The following PLB1 variants were observed in gnomAD, a reference collection of about 807,000 sequenced individuals.
The protein encoded by PLB1 is phospholipase B1.
PLB1 carries 242 observed loss-of-function variants against 227.4 expected under a neutral mutation model. The ratio of observed to expected loss-of-function variants is 1.06; its 90% CI spans 0.96 to 1.18. PLB1 has a LOEUF of 1.18. Ranked by LOEUF, PLB1 falls within the 50% of genes most tolerant of loss-of-function variation. The pLI is 0.00. For synonymous variants in PLB1, 757 were observed against 682.2 expected, an observed-to-expected ratio of 1.11 and a Z score of -1.71; for missense variants, 1,858 against 1,816.3, an observed-to-expected ratio of 1.02 and a Z score of -0.42.
chr2:28,605,569 C>T (rs548531619), intron 41 of PLB1, among the ~76,000 whole-genome samples: 140 of 152,240 alleles, frequency 9.2e-4, no homozygotes, highest in Admixed American at 1.5e-3. Flanking sequence ...GGCATGGCCT[C>T]GGGCATTACA....
intron 4 of PLB1, among the ~76,000 whole-genome samples, chr2:28,523,023 C>G (rs189037293): frequency 6.6e-6 from 1 of 152,190 alleles, no homozygotes; most frequent in African/African-American, 2.4e-5. Context: ...ATACGCACTT[C>G]TTTGGAACTA....
Position 28,540,408 on chromosome 2 carries a change from G to T in PLB1, c.741G>T (p.Arg247=). The T allele has an allele frequency of 6.2e-7, 1 of 1,614,028 alleles. No individual in the cohort carries two copies. Among genetic ancestry groups the T allele is most frequent in the Non-Finnish European group, 8.5e-7 (1 of 1,179,996 alleles). The change falls in exon 12 of 58, where the codon CGG becomes CGT. Residue 247 remains arginine (R), a synonymous_variant. Coordinates refer to ENST00000327757, the MANE Select transcript of PLB1 (RefSeq NM_153021.5). ...GTAATTGCTCAGAGGAGACCACCCG[G>T]CTGGCCAAGGTGGTGATGCAGTGGT... ...EPCNCSEETT[R]LAKVVMQWSY...
intron 27 of PLB1, 22 bp downstream of exon 27, chr2:28,589,576 G>C (rs749833255): frequency 1.2e-6 from 2 of 1,612,696 alleles, no homozygotes; most frequent in East Asian, 2.2e-5. Context: ...AAGCATCGTA[G>C]AAAAATAGAA....
chr2:28,595,057 C>T (rs771408400), intron 33 of PLB1: 1 of 152,150 alleles, frequency 6.6e-6, no homozygotes, highest in African/African-American at 2.4e-5. Context: ...GTGGGGCAGC[C>T]TGGGGAAGTG....
chr2:28,634,789 T>C (rs1382926426), intron 56 of PLB1, among the ~76,000 whole-genome samples: 2 of 152,002 alleles, frequency 1.3e-5, no homozygotes, highest in African/African-American at 4.8e-5. Context: ...TGCATGCCTG[T>C]AGTCCCAGCT....
chr2:28,526,686 G>A (rs748664329), intron 6 of PLB1, among the ~76,000 whole-genome samples: 5 of 152,162 alleles, frequency 3.3e-5, no homozygotes, highest in Non-Finnish European at 7.3e-5. Context: ...TTCGCCGTCC[G>A]TATTAGAGCA....
At position 28,643,000 on chromosome 2, in the gene PLB1, G is replaced by A; in HGVS notation, c.4316G>A (p.Arg1439Lys). 6.2e-7 allele frequency: 1 copy of A among 1,611,386 alleles called. No individual in the cohort carries two copies. Among genetic ancestry groups the A allele is most frequent in the Non-Finnish European group, 8.5e-7 (1 of 1,179,014 alleles). Reference protein sequence around the residue: ...VVGIIGTVVWRCRRGGRREDP... With the variant: ...VVGIIGTVVWKCRRGGRREDP... Reference sequence around the variant, plus strand: ...GGCATCATCGGGACAGTGGTCTGGAGGTGCAGGAGAGGTGGCCGGAGGGAA... The same window carrying A: ...GGCATCATCGGGACAGTGGTCTGGAAGTGCAGGAGAGGTGGCCGGAGGGAA... The change falls in exon 58 of 58, where the codon AGG becomes AAG. Residue 1439 changes from arginine (R) to lysine (K), a missense_variant. Arg to Lys is a conservative substitution (Grantham distance 26, BLOSUM62 2). Transcript: ENST00000327757.
chr2:28,592,367 C>T (rs1179748368), intron 31 of PLB1, among the ~76,000 whole-genome samples: 1 of 152,054 alleles, frequency 6.6e-6, no homozygotes, highest in African/African-American at 2.4e-5. Flanking sequence ...GCCCTCCCTC[C>T]CACCTTTCCC....
chr2:28,582,575 A>C (rs1484118037), intron 25 of PLB1, 70 bp downstream of exon 25: 2 of 1,242,230 alleles, frequency 1.6e-6, no homozygotes, highest in Non-Finnish European at 2.3e-6. Context: ...CCCTTAGCAA[A>C]TTCCTTAGAA....
At chr2:28,550,160 C>A in intron 16 of PLB1, 76 bp downstream of exon 16, 3 of 1,165,240 alleles carry the variant, frequency 2.6e-6, no homozygotes, top group Non-Finnish European at 3.6e-6. Flanking sequence ...TCTTTCGAAC[C>A]TTCCACGTGG....
At chr2:28,615,301 T>A (rs1206125965) in intron 44 of PLB1, among the ~76,000 whole-genome samples, 1 of 152,052 alleles carries the variant, frequency 6.6e-6, no homozygotes, top group African/African-American at 2.4e-5. Context: ...AAAGCCTGAA[T>A]TACTGAGTAA....
intron 20 of PLB1, among the ~76,000 whole-genome samples, chr2:28,570,447 C>T (rs1210515434): frequency 1.3e-5 from 2 of 151,364 alleles, no homozygotes; most frequent in African/African-American, 4.8e-5. Flanking sequence ...CTCAATGGAT[C>T]AGAAAAAGCA....
intron 21 of PLB1, among the ~76,000 whole-genome samples, chr2:28,576,343 A>G (rs1006620496): frequency 3.3e-5 from 5 of 152,178 alleles, no homozygotes; most frequent in South Asian, 2.1e-4. Flanking sequence ...CACCATTTAC[A>G]AGGCACCCTC....
At chr2:28,559,494 C>T (rs55642596) in intron 17 of PLB1, among the ~76,000 whole-genome samples, 2,875 of 152,338 alleles carry the variant, frequency 0.019, 40 homozygotes, top group Middle Eastern at 0.044. Context: ...AGCAAATCCT[C>T]ATTGGGAGTG....
intron 15 of PLB1, among the ~76,000 whole-genome samples, chr2:28,549,300 G>A (rs1156647102): frequency 2.6e-5 from 4 of 151,808 alleles, no homozygotes; most frequent in Non-Finnish European, 4.4e-5. Context: ...CCTGAAAAGT[G>A]GATCATTTTG....
chr2:28,636,431 T>C (rs1689369483), intron 56 of PLB1, among the ~76,000 whole-genome samples: 1 of 152,192 alleles, frequency 6.6e-6, no homozygotes, highest in Non-Finnish European at 1.5e-5. Flanking sequence ...TATTTAATAA[T>C]GCTGAACACA....
intron 8 of PLB1, among the ~76,000 whole-genome samples, chr2:28,530,013 T>C (rs897189656): frequency 1.3e-5 from 2 of 152,210 alleles, no homozygotes; most frequent in East Asian, 3.8e-4. Flanking sequence ...AGACCAGTTA[T>C]GAGACTGGCT....
intron 9 of PLB1, among the ~76,000 whole-genome samples, chr2:28,534,021 T>G (rs549357168): frequency 3.6e-4 from 55 of 152,226 alleles, no homozygotes; most frequent in Admixed American, 1.3e-4. Context: ...CTCTTACATA[T>G]CTATAAATCC....
chr2:28,514,934 C>T (rs548722850), intron 1 of PLB1, among the ~76,000 whole-genome samples: 31 of 152,310 alleles, frequency 2.0e-4, no homozygotes, highest in Admixed American at 6.5e-4. Flanking sequence ...TCCATTTCCA[C>T]TTCCCAAAGT....
Sources: gnomAD v4.1 joint callset for allele counts (sites outside exome capture counted in the v4.1 genomes callset) on GRCh38, gnomAD v4.1.1 for gene constraint, MANE v1.5 for transcripts, NCBI Gene and HGNC (gene_info 2026-07-23, HGNC 2026-07-21) for gene names.